UTS2R: variants seen among roughly 807,000 people sequenced by gnomAD.
UTS2R encodes urotensin-2 receptor.
For missense variants in UTS2R, 653 were observed against 562.2 expected, an observed-to-expected ratio of 1.16 and a Z score of -1.63; for synonymous variants, 335 against 280.9, an observed-to-expected ratio of 1.19 and a Z score of -1.93.
In UTS2R at chr17:82,375,254, C is replaced by T; in HGVS notation, c.930C>T (p.Ala310=). The T allele has an allele frequency of 6.3e-7, 1 of 1,579,304 alleles. No homozygotes were observed. Among genetic ancestry groups the T allele is most frequent in the Non-Finnish European group, 8.6e-7 (1 of 1,164,086 alleles). Residue 310 remains alanine (A), a synonymous_variant, in exon 3 of 3, where the codon GCC becomes GCT. Transcript: ENST00000313135. ...GCCTCACCTACGGCAACAGCTGCGC[C>T]AACCCCTTCCTCTACACGCTGCTCA... is the stretch of plus-strand genomic sequence containing the variant. ...TTCLTYGNSC[A]NPFLYTLLTR... is the part of the protein sequence containing the mutation.
rs1003476091 is a variant in UTS2R, at chr17:82,376,852, C to T, written c.*1358C>T. ...TCTGGGAGGGAGGTGGGGGGGTCAG[C>T]CCCCCGCCCGGCCAGCCACCCCGTC... On this transcript the variant is annotated 3_prime_UTR_variant, in exon 3 of 3. Transcript: ENST00000313135. Among the ~76,000 whole-genome samples the T allele has an allele frequency of 3.9e-5, 6 of 152,134 alleles. 1 individual carries two copies. The highest frequency in any genetic ancestry group is 3.3e-4 in the Admixed American group (5 of 15,282).
intron 2 of UTS2R, among the ~76,000 whole-genome samples, 179 bp from the exon 3 acceptor site, chr17:82,374,064 G>GCCATGGGACCTAC (rs2052468111): frequency 6.6e-6 from 1 of 150,856 alleles, no homozygotes; most frequent in East Asian, 1.9e-4. Flanking sequence ...GGGGGTCGGG[G>GCCATGGGACCTAC]AGGGGGGTTG....
chr17:82,375,035 C>G lies in UTS2R; in HGVS notation c.711C>G (p.Ala237=). 1 of 1,408,418 alleles carries G rather than the reference C, an allele frequency of 7.1e-7. No individual in the cohort carries two copies. Among genetic ancestry groups the G allele is most frequent in the Non-Finnish European group, 9.3e-7 (1 of 1,072,298 alleles). The allele number at this position is 1,408,418 out of a possible 1,614,324, so 87.2% of individuals were successfully genotyped here. Residue 237 remains alanine (A), a synonymous_variant, in exon 3 of 3, where the codon GCC becomes GCG. Coordinates refer to ENST00000313135, the MANE Select transcript of UTS2R (RefSeq NM_018949.3). ...IGLLYARLAR[A]YRRSQRASFK... is the part of the protein sequence containing the mutation. ...TGCTCTACGCGCGCCTGGCCCGCGC[C>G]TACCGCCGCTCGCAGCGCGCCTCCT...
At chr17:82,374,180 G>A (rs563029750) in intron 2 of UTS2R, 63 bp from the exon 3 acceptor site, 5 of 658,124 alleles carry the variant, frequency 7.6e-6, no homozygotes, top group Non-Finnish European at 1.3e-5. Flanking sequence ...CTGTGGGAAC[G>A]AGGCCATCAC....
chr17:82,375,570 T>A lies in UTS2R; in HGVS notation c.*76T>A. Reference sequence around the variant, plus strand: ...AGCCACTCCCGGGAGCCCCCCCAACTCCCAAATCACAGGCCCTGCCCCTCC... The same window carrying A: ...AGCCACTCCCGGGAGCCCCCCCAACACCCAAATCACAGGCCCTGCCCCTCC... On this transcript the variant is annotated 3_prime_UTR_variant, in exon 3 of 3. Transcript: ENST00000313135. 1 of 573,254 alleles carries A rather than the reference T, an allele frequency of 1.7e-6. No individual in the cohort carries two copies. Among genetic ancestry groups the A allele is most frequent in the Non-Finnish European group, 2.9e-6 (1 of 347,348 alleles). 35.5% of individuals were successfully genotyped at this position (573,254 alleles called of 1,614,324 possible).
Position 82,375,667 on chromosome 17 carries a change from C to T in UTS2R, c.*173C>T. On this transcript the variant is annotated 3_prime_UTR_variant, in exon 3 of 3. Transcript: ENST00000313135. ...TCCCGTGATGCCCAGAAGCGCCCAC[C>T]CGCCTCCCTGAGGGTCTCCAGGAGG... The T allele has an allele frequency of 2.1e-6, 1 of 475,266 alleles. No homozygotes were observed. The highest frequency in any genetic ancestry group is 3.7e-6 in the Non-Finnish European group (1 of 272,104). The allele number at this position is 475,266 out of a possible 1,614,324, so 29.4% of individuals were successfully genotyped here.
At position 82,374,570 on chromosome 17, in the gene UTS2R, G is replaced by C. The variant is rs182472957; in HGVS notation, c.246G>C (p.Ala82=). The stretch of plus-strand genomic sequence containing the variant: ...TGGTCACCTGCCGCTCCCTGCGTGC[G>C]GTGGCCTCCATGTACGTCTACGTGG... ...TLVVTCRSLR[A]VASMYVYVVN... is the part of the protein sequence containing the mutation. The change falls in exon 3 of 3, where the codon GCG becomes GCC. Residue 82 remains alanine (A), a synonymous_variant. Coordinates refer to ENST00000313135, the MANE Select transcript of UTS2R (RefSeq NM_018949.3). 27 of 1,598,652 alleles carry C rather than the reference G, an allele frequency of 1.7e-5. No homozygotes were observed. In the African/African-American group the frequency reaches 3.3e-4, roughly 20 times the overall value.
Position 82,376,265 on chromosome 17 carries a change from A to G in UTS2R, c.*771A>G, listed in dbSNP as rs544137193. 2.6e-5 allele frequency among the ~76,000 whole-genome samples: 4 copies of G among 152,304 alleles called. No individual in the cohort carries two copies. The highest frequency in any genetic ancestry group is 9.6e-5 in the African/African-American group (4 of 41,570). ...AAAGGGAATCCAGGTCCCACCTCAC[A>G]GTAGCATTGGCAGTCTCTGCCCCAC... On this transcript the variant is annotated 3_prime_UTR_variant, in exon 3 of 3. Coordinates refer to ENST00000313135, the MANE Select transcript of UTS2R (RefSeq NM_018949.3).
intron 2 of UTS2R, among the ~76,000 whole-genome samples, chr17:82,373,642 C>A (rs1268397952): frequency 6.6e-6 from 1 of 152,206 alleles, no homozygotes; most frequent in South Asian, 2.1e-4. Flanking sequence ...TCCAGAACCT[C>A]GACTGACTGA....
In UTS2R at chr17:82,374,984, C is replaced by A; in HGVS notation, c.660C>A (p.Ile220=). 8.1e-7 allele frequency: 1 copy of A among 1,236,412 alleles called. No homozygotes were observed. Among genetic ancestry groups the A allele is most frequent in the East Asian group, 2.6e-5 (1 of 38,366 alleles). The allele number at this position is 1,236,412 out of a possible 1,614,324, so 76.6% of individuals were successfully genotyped here. The part of the protein sequence containing the change: ...AYLTLLFATS[I]AGPGLLIGLL... ...TGACGCTGCTCTTCGCCACCAGCATCGCGGGGCCCGGGCTGCTCATCGGGC... is the reference window on the plus strand; with the variant it reads ...TGACGCTGCTCTTCGCCACCAGCATAGCGGGGCCCGGGCTGCTCATCGGGC... The change falls in exon 3 of 3, where the codon ATC becomes ATA. Residue 220 remains isoleucine (I), a synonymous_variant. Transcript: ENST00000313135.
rs1454620878 is a variant in UTS2R, at chr17:82,376,048, C to T, written c.*554C>T. Among the ~76,000 whole-genome samples the T allele has an allele frequency of 1.3e-5, 2 of 152,080 alleles. No homozygotes were observed. Among genetic ancestry groups the T allele is most frequent in the African/African-American group, 2.4e-5 (1 of 41,400 alleles). On this transcript the variant is annotated 3_prime_UTR_variant, in exon 3 of 3. Coordinates refer to ENST00000313135, the MANE Select transcript of UTS2R (RefSeq NM_018949.3). ...CACCTGCCTTTGAGGCCTGTGCAGG[C>T]GGCTGGTCTGGCACCTGATGTGGGG...
Position 82,374,985 on chromosome 17 carries a change from G to A in UTS2R, c.661G>A (p.Ala221Thr), listed in dbSNP as rs201558172. 18 of 1,238,038 alleles carry A rather than the reference G, an allele frequency of 1.5e-5. 2 individuals carry two copies. The Middle Eastern group carries it at 2.3e-3, about 159-fold the overall frequency. The allele number at this position is 1,238,038 out of a possible 1,614,324, so 76.7% of individuals were successfully genotyped here. ...GACGCTGCTCTTCGCCACCAGCATC[G>A]CGGGGCCCGGGCTGCTCATCGGGCT... The part of the protein sequence containing the change: ...YLTLLFATSI[A>T]GPGLLIGLLY... Residue 221 changes from alanine (A) to threonine (T), a missense_variant, in exon 3 of 3, where the codon GCG becomes ACG. Transcript: ENST00000313135.
chr17:82,375,449 G>C lies in UTS2R; in HGVS notation c.1125G>C (p.Ala375=). 6.5e-7 allele frequency: 1 copy of C among 1,540,264 alleles called. No individual in the cohort carries two copies. The highest frequency in any genetic ancestry group is 1.2e-5 in the South Asian group (1 of 85,568). Residue 375 remains alanine, a synonymous_variant, in exon 3 of 3, where the codon GCG becomes GCC. Transcript: ENST00000313135. ...CTGACAGCCTCGTGCTGGCCCCAGC[G>C]GCCCCGGCCCGACCTGCGCCCGAGG... ...QPTDSLVLAP[A]APARPAPEGP... is the part of the protein sequence containing the mutation.
In UTS2R at chr17:82,372,419, C is replaced by G. The variant is rs114916151; in HGVS notation, c.-268-179C>G. 6.5e-3 allele frequency among the ~76,000 whole-genome samples: 990 copies of G among 152,284 alleles called. 12 individuals carry two copies. Among genetic ancestry groups the G allele is most frequent in the African/African-American group, 0.022 (922 of 41,572 alleles). ...TGGACAGATGGAGCTGGGAGCTGCT[C>G]GGCCTGGTGGGAAAGGGCGGACAGG... On this transcript the variant is annotated intron_variant, in intron 1 of 2. Transcript: ENST00000313135.
At chr17:82,374,172 G>T (rs952783875) in intron 2 of UTS2R, 71 bp from the exon 3 acceptor site, 10 of 640,858 alleles carry the variant, frequency 1.6e-5, no homozygotes, top group African/African-American at 5.5e-5. Flanking sequence ...ACGTGACTCT[G>T]TGGGAACGAG....
intron 2 of UTS2R, among the ~76,000 whole-genome samples, 23 bp downstream of exon 2, chr17:82,372,806 G>A (rs553684882): frequency 2.6e-5 from 4 of 152,328 alleles, no homozygotes; most frequent in Admixed American, 2.6e-4. Context: ...GAGTAGAATT[G>A]CCGGGTGAGA....
At position 82,374,292 on chromosome 17, in the gene UTS2R, A is replaced by G; in HGVS notation, c.-33A>G. On this transcript the variant is annotated 5_prime_UTR_variant, in exon 3 of 3. Transcript: ENST00000313135. ...CCCCGCCCCATCTCAGGGAGTGTCCACCCAGCCCTGAGCCCGTCGTGAGGG... is the reference window on the plus strand; with the variant it reads ...CCCCGCCCCATCTCAGGGAGTGTCCGCCCAGCCCTGAGCCCGTCGTGAGGG... 6.7e-7 allele frequency: 1 copy of G among 1,499,192 alleles called. No homozygotes were observed. Among genetic ancestry groups the G allele is most frequent in the Non-Finnish European group, 8.9e-7 (1 of 1,127,592 alleles). The allele number at this position is 1,499,192 out of a possible 1,614,324, so 92.9% of individuals were successfully genotyped here.
rs368257880 is a variant in UTS2R, at chr17:82,375,365, C to G, written c.1041C>G (p.Pro347=). The G allele has an allele frequency of 1.9e-6, 3 of 1,578,814 alleles. No individual in the cohort carries two copies. The highest frequency in any genetic ancestry group is 2.6e-6 in the Non-Finnish European group (3 of 1,167,626). Residue 347 remains proline, a synonymous_variant, in exon 3 of 3, where the codon CCC becomes CCG. Coordinates refer to ENST00000313135, the MANE Select transcript of UTS2R (RefSeq NM_018949.3). ...GGRGPVPSLQ[P]RARFQRCSGR... The stretch of plus-strand genomic sequence containing the variant: ...GGGGGCCCGTTCCCTCCCTGCAGCC[C>G]CGCGCCCGCTTCCAGCGCTGTTCGG...
Position 82,374,658 on chromosome 17 carries a change from G to C in UTS2R, c.334G>C (p.Val112Leu), listed in dbSNP as rs199706256. 129 of 1,613,326 alleles carry C rather than the reference G, an allele frequency of 8.0e-5. No homozygotes were observed. The highest frequency in any genetic ancestry group is 1.0e-4 in the Non-Finnish European group (123 of 1,179,948). Residue 112 changes from valine (V) to leucine (L), a missense_variant, in exon 3 of 3, where the codon GTC (valine) becomes CTC (leucine). Val to Leu is a conservative substitution (Grantham distance 32, BLOSUM62 1). Coordinates refer to ENST00000313135, the MANE Select transcript of UTS2R (RefSeq NM_018949.3). ...LSIPFIVATY[V>L]TKEWHFGDVG... ...CATCCCCTTCATCGTGGCCACCTAC[G>C]TCACCAAGGAGTGGCACTTCGGGGA...
Sources: allele counts gnomAD v4.1 joint callset (sites outside exome capture counted in the v4.1 genomes callset), GRCh38; gene constraint gnomAD v4.1.1; transcripts MANE v1.5; gene names NCBI Gene and HGNC (gene_info 2026-07-23, HGNC 2026-07-21).